Variants in EFCAB5 observed in about 807,000 individuals in gnomAD.
The protein encoded by EFCAB5 is EF-hand calcium-binding domain-containing protein 5.
A neutral mutation model predicts 167.9 loss-of-function variants in EFCAB5; 131 were observed. That is an observed-to-expected ratio of 0.78 (90% CI 0.68 to 0.90). The LOEUF (loss-of-function observed/expected upper bound fraction) is 0.90. Among genes scored for constraint, EFCAB5 ranks in the 40% least tolerant of loss-of-function variants. The probability of loss-of-function intolerance (pLI) is 0.00; values close to 1 mark genes in which losing one functional copy is unlikely to be tolerated. For synonymous variants in EFCAB5, 574 were observed against 602.8 expected (o/e 0.95, Z 0.70); for missense variants, 1,663 against 1,745.2 (o/e 0.95, Z 0.84).
intron 14 of EFCAB5, among the ~76,000 whole-genome samples, chr17:30,071,134 G>C (rs553845574): frequency 1.6e-4 from 24 of 150,506 alleles, no homozygotes; most frequent in African/African-American, 5.6e-4. Flanking sequence ...AATTAGACAA[G>C]CGGGATTCTA....
At chr17:30,013,470 C>T (rs865900155) in intron 7 of EFCAB5, among the ~76,000 whole-genome samples, 4 of 152,170 alleles carry the variant, frequency 2.6e-5, no homozygotes, top group Admixed American at 2.0e-4. Flanking sequence ...ATTGTTGCCT[C>T]AATTTCAGAG....
At chr17:29,937,310 C>T (rs1170862622), upstream of EFCAB5, among the ~76,000 whole-genome samples, 1 of 152,142 alleles carries the variant, frequency 6.6e-6, no homozygotes, top group Non-Finnish European at 1.5e-5. Flanking sequence ...CCTCAGCCTC[C>T]CAAGTAGCTG....
intron 8 of EFCAB5, among the ~76,000 whole-genome samples, chr17:30,049,128 C>T (rs778876732): frequency 3.9e-5 from 6 of 152,008 alleles, no homozygotes; most frequent in Non-Finnish European, 8.8e-5. Context: ...GCATTAGATA[C>T]CTTGGTAAAG....
chr17:29,983,146 C>A (rs1567694554), intron 4 of EFCAB5, among the ~76,000 whole-genome samples: 1 of 152,200 alleles, frequency 6.6e-6, no homozygotes, highest in Non-Finnish European at 1.5e-5. Context: ...TCATGAGATG[C>A]AGTAAGATGA....
Position 30,091,964 on chromosome 17 carries a change from C to T in EFCAB5, c.4031C>T (p.Ser1344Phe). The T allele has an allele frequency of 6.2e-7, 1 of 1,613,974 alleles. No individual in the cohort carries two copies. The highest frequency in any genetic ancestry group is 1.3e-5 in the African/African-American group (1 of 75,018). Residue 1344 changes from serine (S) to phenylalanine (F), a missense_variant, in exon 21 of 23, where the codon TCC becomes TTC. Ser to Phe is a radical substitution (Grantham distance 155). Transcript: ENST00000394835. Reference sequence around the variant, plus strand: ...CAGGAAAGCATCCAACTACTCAATTCCATGGAATTTGTGTCACTGTTGCTC... The same window carrying T: ...CAGGAAAGCATCCAACTACTCAATTTCATGGAATTTGTGTCACTGTTGCTC... ...ELQESIQLLN[S>F]MEFVSLLLYD...
At chr17:29,996,589 C>T (rs1358126754) in intron 6 of EFCAB5, among the ~76,000 whole-genome samples, 2 of 152,188 alleles carry the variant, frequency 1.3e-5, no homozygotes, top group East Asian at 3.9e-4. Flanking sequence ...CTCTGCAATA[C>T]TCTTTTATTA....
intron 7 of EFCAB5, among the ~76,000 whole-genome samples, chr17:30,027,293 C>CTTTTT (rs906468665): frequency 1.5e-5 from 1 of 67,364 alleles, no homozygotes; most frequent in Non-Finnish European, 3.0e-5. Context: ...CCACACCAGT[C>CTTTTT]TTTTTTTTTT....
chr17:29,999,774 T>G, intron 6 of EFCAB5, 132 bp from the exon 7 acceptor site: 1 of 551,994 alleles, frequency 1.8e-6, no homozygotes. Flanking sequence ...CTATATGTAA[T>G]TCACTTTATT....
chr17:30,065,983 G>T (rs909317359), intron 14 of EFCAB5, among the ~76,000 whole-genome samples: 2 of 152,192 alleles, frequency 1.3e-5, no homozygotes, highest in African/African-American at 2.4e-5. Flanking sequence ...GGGAGAGATA[G>T]ACTCTAATAC....
chr17:30,020,281 T>C (rs1286623495), intron 7 of EFCAB5, among the ~76,000 whole-genome samples: 1 of 152,122 alleles, frequency 6.6e-6, no homozygotes, highest in East Asian at 1.9e-4. Flanking sequence ...TTAAAAATTG[T>C]GTTATAATTG....
At chr17:30,032,977 G>T (rs942990969) in intron 7 of EFCAB5, among the ~76,000 whole-genome samples, 2 of 152,078 alleles carry the variant, frequency 1.3e-5, no homozygotes, top group Non-Finnish European at 2.9e-5. Flanking sequence ...TGTTCCCCCT[G>T]GTTCAATCAT....
chr17:29,963,525 T>C (rs747286985), intron 3 of EFCAB5, among the ~76,000 whole-genome samples: 2 of 152,244 alleles, frequency 1.3e-5, no homozygotes, highest in Admixed American at 6.5e-5. Flanking sequence ...GTGATATCTA[T>C]CTAGCTTTAG....
Position 29,963,065 on chromosome 17 carries a change from C to T in EFCAB5, c.191-5726C>T, listed in dbSNP as rs535221841. ...CAAGTGATCCTCCCACCTTAGCCCC[C>T]CAAGTAGCTGGGACTATAGGCATGT... On this transcript the variant is annotated intron_variant, in intron 3 of 22. Coordinates refer to ENST00000394835, the MANE Select transcript of EFCAB5 (RefSeq NM_198529.4). Among the ~76,000 whole-genome samples the T allele has an allele frequency of 2.6e-5, 4 of 152,226 alleles. No homozygotes were observed. In the East Asian group the frequency reaches 5.8e-4, roughly 22 times the overall value.
At chr17:30,024,430 C>T (rs187374433) in intron 7 of EFCAB5, among the ~76,000 whole-genome samples, 4 of 152,270 alleles carry the variant, frequency 2.6e-5, no homozygotes, top group South Asian at 4.1e-4. Context: ...CTCCCATTCA[C>T]AATTGCTTCA....
At chr17:30,031,731 T>G (rs2069484797) in intron 7 of EFCAB5, 3 of 152,252 alleles carry the variant, frequency 2.0e-5, no homozygotes, top group South Asian at 4.1e-4. Context: ...TCAAGAATAA[T>G]GATAATGATG....
At chr17:29,992,140 C>T (rs1456598042) in intron 4 of EFCAB5, among the ~76,000 whole-genome samples, 3 of 152,082 alleles carry the variant, frequency 2.0e-5, no homozygotes, top group Admixed American at 6.6e-5. Flanking sequence ...TCCATTTCCC[C>T]CATTCCCAGC....
At chr17:29,934,710 A>T (rs1157394890) in intron 1 of EFCAB5, among the ~76,000 whole-genome samples, 1 of 152,132 alleles carries the variant, frequency 6.6e-6, no homozygotes, top group Non-Finnish European at 1.5e-5. Flanking sequence ...CTGGTGGTAG[A>T]ATACTCCTTG....
chr17:29,998,806 G>A (rs1439300552), intron 6 of EFCAB5, among the ~76,000 whole-genome samples: 4 of 152,110 alleles, frequency 2.6e-5, no homozygotes, highest in Non-Finnish European at 4.4e-5. Flanking sequence ...GGAAGCCAGT[G>A]TATAGTTCTT....
In EFCAB5 at chr17:30,054,082, G is replaced by T; in HGVS notation, c.2128G>T (p.Glu710Ter). The T allele has an allele frequency of 6.3e-7, 1 of 1,588,942 alleles. No individual in the cohort carries two copies. Residue 710 changes from glutamate (E) to a stop codon, truncating the protein, a stop_gained, in exon 10 of 23, where the codon GAA becomes TAA. Coordinates refer to ENST00000394835, the MANE Select transcript of EFCAB5 (RefSeq NM_198529.4). LOFTEE classifies it high-confidence loss of function. ...KRSWEQTYEE[E>*]IFLSSELQEE... ...GTCTTGGGAACAAACATATGAAGAG[G>T]AAATATTCCTGAGTTCTGAACTGCA...
Sources: gnomAD v4.1 joint callset for allele counts (sites outside exome capture counted in the v4.1 genomes callset) on GRCh38, gnomAD v4.1.1 for gene constraint, MANE v1.5 for transcripts, NCBI Gene and HGNC (gene_info 2026-07-23, HGNC 2026-07-21) for gene names.